SNRNP70: variants seen among roughly 807,000 people sequenced by gnomAD.
SNRNP70 encodes small nuclear ribonucleoprotein U1 subunit 70.
A neutral mutation model predicts 50.5 loss-of-function variants in SNRNP70; 8 were observed. That is an observed-to-expected ratio of 0.16 (90% CI 0.09 to 0.29). The LOEUF (loss-of-function observed/expected upper bound fraction) is 0.29. Among genes scored for constraint, SNRNP70 ranks in the 10% least tolerant of loss-of-function variants. The pLI is 1.00. For synonymous variants in SNRNP70, 320 were observed against 252.9 expected (o/e 1.27, Z -2.52); for missense variants, 529 against 663.5 (o/e 0.80, Z 2.23).
At chr19:49,098,524 ACG>A in intron 5 of SNRNP70, 33 bp downstream of exon 5, 1 of 1,607,418 alleles carries the variant, frequency 6.2e-7, no homozygotes, top group Non-Finnish European at 8.5e-7. Flanking sequence ...CTGGAACCCC[ACG>A]CTGCTGAGAG....
At position 49,107,673 on chromosome 19, in the gene SNRNP70, G is replaced by A; in HGVS notation, c.626G>A (p.Arg209Gln). The A allele has an allele frequency of 1.9e-6, 3 of 1,614,110 alleles. No individual in the cohort carries two copies. Among genetic ancestry groups the A allele is most frequent in the Non-Finnish European group, 2.5e-6 (3 of 1,180,006 alleles). ...TRRGGADVNI[R>Q]HSGRDDTSRY... ...AGAGGAGGGGCTGATGTGAACATCC[G>A]GCATTCAGGCCGCGATGACACCTCC... Residue 209 changes from arginine (R) to glutamine (Q), a missense_variant, in exon 9 of 10, where the codon CGG becomes CAG. Arg to Gln is a conservative substitution (Grantham distance 43, BLOSUM62 1). Transcript: ENST00000598441. This position sits in a 1 kb window ranked among gnomAD's most constrained non-coding sequence, Gnocchi z 6.0.
At chr19:49,092,144 CTG>C (rs1386174301) in intron 4 of SNRNP70, among the ~76,000 whole-genome samples, 1 of 152,132 alleles carries the variant, frequency 6.6e-6, no homozygotes, top group Admixed American at 6.6e-5. Context: ...CAGCCTCGCT[CTG>C]TCGCCAGGCT....
chr19:49,106,744 T>G (rs2040674214), intron 8 of SNRNP70, among the ~76,000 whole-genome samples: 1 of 152,198 alleles, frequency 6.6e-6, no homozygotes, highest in Non-Finnish European at 1.5e-5. Context: ...TGAGATTGTT[T>G]CCCCATCAGA....
chr19:49,100,182 C>T (rs1385963639), intron 6 of SNRNP70, among the ~76,000 whole-genome samples: 1 of 152,196 alleles, frequency 6.6e-6, no homozygotes, highest in Non-Finnish European at 1.5e-5. Context: ...GAAATCTTCC[C>T]TGGTTCATTC....
chr19:49,101,095 C>CCCGG (rs1422024351), intron 6 of SNRNP70, among the ~76,000 whole-genome samples: 2 of 152,204 alleles, frequency 1.3e-5, no homozygotes, highest in Admixed American at 6.5e-5. Context: ...CCCTCCTGCC[C>CCCGG]CCGGGCCCTT....
chr19:49,098,342 T>C, intron 4 of SNRNP70, 85 bp from the exon 5 acceptor site: 1 of 1,143,308 alleles, frequency 8.7e-7, no homozygotes, highest in Non-Finnish European at 1.3e-6. Context: ...CACCGTTTTC[T>C]TCTTGGCCTC....
intron 7 of SNRNP70, chr19:49,102,352 C>T (rs184320286): frequency 2.9e-4 from 97 of 339,372 alleles, no homozygotes; most frequent in South Asian, 8.9e-4. Context: ...TGCCCCGATC[C>T]GTATGCTCTC....
At chr19:49,097,861 C>G (rs942102799) in intron 4 of SNRNP70, among the ~76,000 whole-genome samples, 3 of 152,162 alleles carry the variant, frequency 2.0e-5, no homozygotes, top group African/African-American at 7.2e-5. Flanking sequence ...TCCTGGGTTC[C>G]TTTTTAGAGA....
At chr19:49,086,247 C>G (rs1568416248) in intron 1 of SNRNP70, among the ~76,000 whole-genome samples, 158 bp from the exon 2 acceptor site, 1 of 152,204 alleles carries the variant, frequency 6.6e-6, no homozygotes, top group Non-Finnish European at 1.5e-5. Context: ...AAGACGTACC[C>G]TTTTCTCCGC....
intron 7 of SNRNP70, chr19:49,103,497 C>G (rs964882325): frequency 4.6e-5 from 7 of 152,936 alleles, no homozygotes; most frequent in Non-Finnish European, 7.3e-5. Context: ...CCGTGTCCCC[C>G]CCCCGGGAAG....
chr19:49,102,305 AT>A, intron 7 of SNRNP70: 1 of 478,080 alleles, frequency 2.1e-6, no homozygotes, highest in Admixed American at 2.7e-5. Flanking sequence ...CCCCGCACCC[AT>A]GGCCCTTTCC....
At chr19:49,091,904 A>G (rs1258054020) in intron 4 of SNRNP70, among the ~76,000 whole-genome samples, 1 of 152,104 alleles carries the variant, frequency 6.6e-6, no homozygotes, top group African/African-American at 2.4e-5. Context: ...TGTGCCGGTC[A>G]TGACCTCATT....
intron 6 of SNRNP70, among the ~76,000 whole-genome samples, chr19:49,099,533 C>T (rs2040554501): frequency 6.6e-6 from 1 of 150,712 alleles, no homozygotes; most frequent in African/African-American, 2.4e-5. Flanking sequence ...GAGTTCGAGA[C>T]CAGTCTGACC....
At chr19:49,087,318 C>T (rs918436922) in intron 2 of SNRNP70, among the ~76,000 whole-genome samples, 2 of 152,032 alleles carry the variant, frequency 1.3e-5, no homozygotes, top group Non-Finnish European at 2.9e-5. Context: ...GTTGTATCCT[C>T]TTAATGCATT....
Position 49,092,719 on chromosome 19 carries a change from A to G in SNRNP70, c.265+2199A>G, listed in dbSNP as rs139571901. ...CCACCGCAGCCGGCCTAGTTTGTCT[A>G]TATCTTAACCAACCACATCCACTGT... On this transcript the variant is annotated intron_variant, in intron 4 of 9. Coordinates refer to ENST00000598441, the MANE Select transcript of SNRNP70 (RefSeq NM_003089.6). Among the ~76,000 whole-genome samples, 16 of 152,016 alleles carry G rather than the reference A, an allele frequency of 1.1e-4. No individual in the cohort carries two copies. The South Asian group carries it at 1.5e-3, about 14-fold the overall frequency.
At chr19:49,100,697 T>G (rs1206832986) in intron 6 of SNRNP70, among the ~76,000 whole-genome samples, 2 of 151,630 alleles carry the variant, frequency 1.3e-5, no homozygotes, top group Non-Finnish European at 2.9e-5. Flanking sequence ...TCCCAGCTAC[T>G]TGGGAGGCTG....
At chr19:49,097,148 A>G (rs2040523509) in intron 4 of SNRNP70, among the ~76,000 whole-genome samples, 1 of 151,686 alleles carries the variant, frequency 6.6e-6, no homozygotes. Flanking sequence ...AAAAAATCTG[A>G]GACTTTATTT....
Position 49,106,398 on chromosome 19 carries a change from T to C in SNRNP70, c.578-1227T>C, listed in dbSNP as rs537863769. On this transcript the variant is annotated intron_variant, in intron 8 of 9. Coordinates refer to ENST00000598441, the MANE Select transcript of SNRNP70 (RefSeq NM_003089.6). ...AACAGTTTTTTCTATGTAGTAAGTA[T>C]ATAGTTGTATTCTGCTGTTTTGTTT... is the stretch of plus-strand genomic sequence containing the variant. Among the ~76,000 whole-genome samples the C allele has an allele frequency of 2.6e-5, 4 of 152,330 alleles. No individual in the cohort carries two copies. The East Asian group carries it at 7.7e-4, about 29-fold the overall frequency.
chr19:49,085,751 A>T (rs928174595), intron 1 of SNRNP70, 115 bp downstream of exon 1: 9 of 429,078 alleles, frequency 2.1e-5, no homozygotes, highest in Admixed American at 2.5e-5. Flanking sequence ...TCCCCGCCAC[A>T]GGTCCCTTCT....
Sources: gnomAD v4.1 joint callset for allele counts (sites outside exome capture counted in the v4.1 genomes callset) on GRCh38, gnomAD v4.1.1 for gene constraint, Gnocchi (gnomAD v3.1) non-coding constraint, MANE v1.5 for transcripts, NCBI Gene and HGNC (gene_info 2026-07-23, HGNC 2026-07-21) for gene names.